ATP2A2: variants seen among roughly 807,000 people sequenced by gnomAD.
The protein encoded by ATP2A2 is ATPase sarcoplasmic/endoplasmic reticulum Ca2+ transporting 2.
ATP2A2 carries 14 observed loss-of-function variants against 109.3 expected under a neutral mutation model. The ratio of observed to expected loss-of-function variants is 0.13; its 90% CI spans 0.08 to 0.20. The LOEUF is 0.20. Among genes scored for constraint, ATP2A2 ranks in the 10% least tolerant of loss-of-function variants. The pLI, the probability that ATP2A2 is intolerant of heterozygous loss-of-function variation, is 1.00. For missense variants in ATP2A2, 657 were observed against 1,321.6 expected (o/e 0.50, Z 7.80); for synonymous variants, 506 against 490.9 (o/e 1.03, Z -0.41).
chr12:110,328,079 T>C, intron 8 of ATP2A2, 62 bp downstream of exon 8: 1 of 1,506,168 alleles, frequency 6.6e-7, no homozygotes, highest in Non-Finnish European at 9.1e-7. Flanking sequence ...CCAATATGCC[T>C]TCATGCCATC....
At chr12:110,309,012 T>G (rs1346134000) in intron 5 of ATP2A2, among the ~76,000 whole-genome samples, 2 of 152,134 alleles carry the variant, frequency 1.3e-5, no homozygotes, top group Non-Finnish European at 2.9e-5. Flanking sequence ...GGTCATCTCC[T>G]GACTTTAAAA....
intron 5 of ATP2A2, among the ~76,000 whole-genome samples, chr12:110,316,858 G>C (rs1458853880): frequency 1.3e-5 from 2 of 152,168 alleles, no homozygotes; most frequent in South Asian, 2.1e-4. Flanking sequence ...GGAGGTGAGA[G>C]GGTGACAGGC....
chr12:110,305,069 G>A (rs1458878874), intron 5 of ATP2A2, among the ~76,000 whole-genome samples: 1 of 152,048 alleles, frequency 6.6e-6, no homozygotes, highest in Non-Finnish European at 1.5e-5. Context: ...GAGTAGCTGG[G>A]ATTACAGGTG....
chr12:110,315,991 G>A (rs995456825), intron 5 of ATP2A2, among the ~76,000 whole-genome samples: 1 of 152,138 alleles, frequency 6.6e-6, no homozygotes, highest in Non-Finnish European at 1.5e-5. Flanking sequence ...GGAGGCTGAG[G>A]CAGGAAAATC....
intron 5 of ATP2A2, among the ~76,000 whole-genome samples, chr12:110,310,693 T>C (rs1253022163): frequency 6.6e-6 from 1 of 152,186 alleles, no homozygotes; most frequent in Non-Finnish European, 1.5e-5. Context: ...TGTACAGAAA[T>C]TGATAATTTT....
chr12:110,300,656 T>A, intron 5 of ATP2A2, among the ~76,000 whole-genome samples: 1 of 151,260 alleles, frequency 6.6e-6, no homozygotes, highest in Non-Finnish European at 1.5e-5. Flanking sequence ...TTTTTTTTTT[T>A]TTTTTTAAAG....
At chr12:110,296,430 A>T in intron 4 of ATP2A2, 169 bp from the exon 5 acceptor site, 1 of 885,048 alleles carries the variant, frequency 1.1e-6, no homozygotes, top group South Asian at 1.5e-5. Flanking sequence ...AATACAAATT[A>T]ATAAATGTCC....
chr12:110,310,678 G>C (rs767425299), intron 5 of ATP2A2, among the ~76,000 whole-genome samples: 5 of 152,142 alleles, frequency 3.3e-5, no homozygotes, highest in Non-Finnish European at 5.9e-5. Flanking sequence ...ATTTGCTTTA[G>C]CACTTGTACA....
intron 3 of ATP2A2, among the ~76,000 whole-genome samples, chr12:110,285,344 C>T (rs951212805): frequency 5.3e-5 from 8 of 152,096 alleles, no homozygotes; most frequent in African/African-American, 1.9e-4. Flanking sequence ...CACTGAAGAC[C>T]CCCCCTCTAT....
chr12:110,339,354 G>C lies in ATP2A2; in HGVS notation c.1493G>C (p.Cys498Ser). 6.2e-7 allele frequency: 1 copy of C among 1,614,132 alleles called. No homozygotes were observed. The highest frequency in any genetic ancestry group is 8.5e-7 in the Non-Finnish European group (1 of 1,180,032). ...SRDRKSMSVY[C>S]TPNKPSRTSM... is the part of the protein sequence containing the mutation. ...GACAGAAAGTCAATGTCGGTTTACT[G>C]TACACCAAATAAACCAAGCAGGACA... The change falls in exon 12 of 20, where the codon TGT becomes TCT. Residue 498 changes from cysteine to serine, a missense_variant. Around this residue, in one of 9 missense-constraint regions of ATP2A2, gnomAD observed 180 missense variants for 329.1 expected, o/e 0.55. Transcript: ENST00000539276. This position sits in a 1 kb window ranked among gnomAD's most constrained non-coding sequence, Gnocchi z 4.4.
intron 5 of ATP2A2, among the ~76,000 whole-genome samples, chr12:110,297,705 A>G (rs1457217227): frequency 1.3e-5 from 2 of 151,674 alleles, no homozygotes; most frequent in African/African-American, 4.8e-5. Context: ...TGCAACCTCC[A>G]CCTCCCAAGC....
intron 14 of ATP2A2, 74 bp downstream of exon 14, chr12:110,341,068 ATTT>A (rs1250872933): frequency 6.6e-7 from 1 of 1,526,306 alleles, no homozygotes; most frequent in Admixed American, 1.8e-5. Flanking sequence ...TGACCACTGA[ATTT>A]TTTTGTCATA....
rs67023919 is a variant in ATP2A2, at chr12:110,311,595, CAAAAAAAAA to C, written c.464-11378_464-11370del. On this transcript the variant is annotated intron_variant, in intron 5 of 19. Coordinates refer to ENST00000539276, the MANE Select transcript of ATP2A2 (RefSeq NM_170665.4). ...TGGGGGACAGAGCGAGACTCCATCT[CAAAAAAAAA>C]AAAAAAAAAAAAAAAAAACGCTGGG... 5.7e-3 allele frequency among the ~76,000 whole-genome samples: 143 copies of C among 25,214 alleles called. 1 individual carries two copies. The highest frequency in any genetic ancestry group is 7.8e-3 in the African/African-American group (48 of 6,140). 16.5% of individuals were successfully genotyped at this position (25,214 alleles called of 152,430 possible).
At position 110,350,224 on chromosome 12, in the gene ATP2A2, T is replaced by C. The variant is rs1880274004; in HGVS notation, c.*3754T>C. The C allele has an allele frequency of 6.2e-7, 1 of 1,614,068 alleles. No homozygotes were observed. The highest frequency in any genetic ancestry group is 8.5e-7 in the Non-Finnish European group (1 of 1,180,002). The stretch of plus-strand genomic sequence containing the variant: ...CTGTCGCTGTTGATCTTCATCTATT[T>C]AAATAGGTATTCTAACGTTTCCTCT... On this transcript the variant is annotated 3_prime_UTR_variant, in exon 20 of 20. Transcript: ENST00000539276.
intron 3 of ATP2A2, among the ~76,000 whole-genome samples, chr12:110,288,365 A>G (rs948297463): frequency 2.0e-5 from 3 of 151,798 alleles, no homozygotes; most frequent in Non-Finnish European, 4.4e-5. Context: ...CATTAGGATT[A>G]TAGGCATGAG....
chr12:110,313,135 C>T (rs1385222244), intron 5 of ATP2A2, among the ~76,000 whole-genome samples: 2 of 152,010 alleles, frequency 1.3e-5, no homozygotes, highest in Non-Finnish European at 1.5e-5. Context: ...TGAAGCCTGA[C>T]CTGATTTCAT....
chr12:110,299,275 AT>A (rs1180420792), intron 5 of ATP2A2, among the ~76,000 whole-genome samples: 2 of 151,774 alleles, frequency 1.3e-5, no homozygotes, highest in African/African-American at 4.8e-5. Context: ...CCTGGCCCAC[AT>A]TTTTTTTAAT....
chr12:110,282,580 T>C (rs1471855339), intron 1 of ATP2A2, 24 bp from the exon 2 acceptor site: 1 of 1,613,850 alleles, frequency 6.2e-7, no homozygotes, highest in Non-Finnish European at 8.5e-7. Flanking sequence ...GACACATTGC[T>C]TGACGAATTT....
intron 1 of ATP2A2, 31 bp downstream of exon 1, chr12:110,281,938 C>A: frequency 4.6e-6 from 7 of 1,526,050 alleles, no homozygotes; most frequent in Non-Finnish European, 6.2e-6. Flanking sequence ...TGCAGGGGCC[C>A]GGCGCGGCCG....
Sources: allele counts gnomAD v4.1 joint callset (sites outside exome capture counted in the v4.1 genomes callset), GRCh38; gene constraint gnomAD v4.1.1; regional missense constraint gnomAD v4.1.1; non-coding constraint Gnocchi (gnomAD v3.1); transcripts MANE v1.5; gene names NCBI Gene and HGNC (gene_info 2026-07-23, HGNC 2026-07-21).